The following MLIP variants were observed in gnomAD, a reference collection of about 807,000 sequenced individuals.
The protein encoded by MLIP is muscular LMNA-interacting protein.
Under a neutral mutation model 84.8 loss-of-function variants are expected in MLIP, and 79 were observed. The observed-to-expected ratio is 0.93, with a 90% CI of 0.78 to 1.12. MLIP has a LOEUF of 1.12. Among genes scored for constraint, MLIP ranks in the 50% most tolerant of loss-of-function variants. The probability of loss-of-function intolerance (pLI) is 0.00; values close to 1 mark genes in which losing one functional copy is unlikely to be tolerated. For missense variants in MLIP, 1,257 were observed against 1,160.6 expected (o/e 1.08, Z -1.21); for synonymous variants, 504 against 463.0 (o/e 1.09, Z -1.14).
At chr6:54,187,965 C>G (rs900431368) in intron 9 of MLIP, among the ~76,000 whole-genome samples, 4 of 152,152 alleles carry the variant, frequency 2.6e-5, no homozygotes, top group African/African-American at 9.7e-5. Flanking sequence ...CGAGATTGCA[C>G]CACTGCAATC....
At chr6:54,183,191 G>A (rs935071870) in intron 9 of MLIP, among the ~76,000 whole-genome samples, 1 of 152,148 alleles carries the variant, frequency 6.6e-6, no homozygotes, top group Non-Finnish European at 1.5e-5. Context: ...GTGTTTCAGA[G>A]GTGATGTGCA....
At chr6:54,022,698 A>G (rs983235498) in intron 1 of MLIP, among the ~76,000 whole-genome samples, 1 of 152,168 alleles carries the variant, frequency 6.6e-6, no homozygotes, top group East Asian at 1.9e-4. Flanking sequence ...ATCATTTATT[A>G]CTATAGTAAA....
chr6:54,102,305 A>G lies in MLIP; in HGVS notation c.64-19142A>G, dbSNP rs9357789. ...AATATCAAGAGCAGTATCACATAAA[A>G]CTCATTAAATGGTATGTATGTGTAG... On this transcript the variant is annotated intron_variant, in intron 1 of 12. Transcript: ENST00000274897. Among the ~76,000 whole-genome samples, 90 of 152,032 alleles carry G rather than the reference A, an allele frequency of 5.9e-4. No homozygotes were observed. The East Asian group carries it at 7.7e-3, about 13-fold the overall frequency.
rs1168373599 is a variant in MLIP, at chr6:54,138,114, A to G, written c.2045A>G (p.His682Arg). ...PQLSPSALHP[H>R]CGSGTLPSRL... ...CTCAGTCCCTCAGCTCTGCACCCAC[A>G]TTGCGGCAGTGGTACCTTGCCTTCA... Residue 682 changes from histidine to arginine, a missense_variant, in exon 4 of 14, where the codon CAT (histidine) becomes CGT (arginine). Coordinates refer to ENST00000502396, the MANE Select transcript of MLIP (RefSeq NM_001281747.2). The G allele has an allele frequency of 6.5e-7, 1 of 1,535,928 alleles. No homozygotes were observed. The highest frequency in any genetic ancestry group is 2.0e-5 in the Admixed American group (1 of 50,970).
chr6:54,216,843 A>G (rs923142286), intron 11 of MLIP: 23 of 985,248 alleles, frequency 2.3e-5, no homozygotes, highest in South Asian at 4.7e-5. Context: ...GATAATCACA[A>G]TCTCTTATTT....
intron 12 of MLIP, among the ~76,000 whole-genome samples, chr6:54,244,758 A>G (rs2150847431): frequency 6.6e-6 from 1 of 152,326 alleles, no homozygotes; most frequent in African/African-American, 2.4e-5. Flanking sequence ...GGAAACTGAG[A>G]ACAATCAATT....
intron 1 of MLIP, chr6:54,029,276 G>A (rs968935844): frequency 2.6e-5 from 4 of 152,224 alleles, no homozygotes; most frequent in African/African-American, 9.7e-5. Flanking sequence ...ATAGTATGAA[G>A]AGGTGGGGCT....
chr6:54,177,218 T>G (rs2150621143), intron 9 of MLIP, among the ~76,000 whole-genome samples: 1 of 151,968 alleles, frequency 6.6e-6, no homozygotes, highest in Admixed American at 6.6e-5. Context: ...ATTAACGAGC[T>G]TTTGCACAGC....
chr6:54,262,825 G>C (rs1339887930), intron 13 of MLIP, among the ~76,000 whole-genome samples: 1 of 152,050 alleles, frequency 6.6e-6, no homozygotes, highest in Admixed American at 6.6e-5. Context: ...CTCCCCTTAT[G>C]CTCAGCAGCA....
At chr6:54,183,992 T>G (rs567922940) in intron 9 of MLIP, among the ~76,000 whole-genome samples, 1 of 151,958 alleles carries the variant, frequency 6.6e-6, no homozygotes, top group Non-Finnish European at 1.5e-5. Context: ...AAGAACACTC[T>G]CCAGGTTAAG....
intron 12 of MLIP, among the ~76,000 whole-genome samples, chr6:54,235,285 A>T (rs1325622265): frequency 2.0e-5 from 3 of 152,030 alleles, no homozygotes; most frequent in African/African-American, 7.3e-5. Context: ...GAAATTCCTT[A>T]CTGTTCTACT....
intron 13 of MLIP, among the ~76,000 whole-genome samples, chr6:54,261,180 T>A (rs984350141): frequency 9.9e-5 from 15 of 152,050 alleles, no homozygotes; most frequent in African/African-American, 3.1e-4. Context: ...TTTTTTATTG[T>A]ATTTCTCATC....
At chr6:54,236,319 AGC>A (rs1190834142) in intron 12 of MLIP, among the ~76,000 whole-genome samples, 1 of 152,194 alleles carries the variant, frequency 6.6e-6, no homozygotes, top group Non-Finnish European at 1.5e-5. Flanking sequence ...CCTTTTTAAA[AGC>A]CAGGTGCGGT....
chr6:54,263,266 T>C (rs954971188), intron 13 of MLIP, among the ~76,000 whole-genome samples: 1 of 152,076 alleles, frequency 6.6e-6, no homozygotes, highest in Admixed American at 6.6e-5. Flanking sequence ...TTTTACTCTT[T>C]AGAGTCCATT....
intron 1 of MLIP, among the ~76,000 whole-genome samples, chr6:54,077,164 A>G (rs1307016952): frequency 2.6e-5 from 4 of 152,216 alleles, no homozygotes; most frequent in Non-Finnish European, 4.4e-5. Flanking sequence ...CTGCCATACT[A>G]TCTTAAAAAT....
At chr6:54,031,446 T>G (rs1326080653) in intron 1 of MLIP, 1 of 152,224 alleles carries the variant, frequency 6.6e-6, no homozygotes, top group Non-Finnish European at 1.5e-5. Context: ...TGGCACCTTG[T>G]AAGCCTGATA....
chr6:54,031,442 C>G (rs1435308991), intron 1 of MLIP: 1 of 152,152 alleles, frequency 6.6e-6, no homozygotes, highest in East Asian at 1.9e-4. Context: ...TTCTTGGCAC[C>G]TTGTAAGCCT....
chr6:54,148,401 C>T (rs1345822629), intron 4 of MLIP, among the ~76,000 whole-genome samples: 1 of 152,136 alleles, frequency 6.6e-6, no homozygotes, highest in African/African-American at 2.4e-5. Context: ...GAAATTTTAA[C>T]ATTTGCTTCA....
chr6:54,198,150 T>C (rs924635366), intron 10 of MLIP, among the ~76,000 whole-genome samples: 1 of 152,148 alleles, frequency 6.6e-6, no homozygotes, highest in Non-Finnish European at 1.5e-5. Flanking sequence ...CAACTTTTAA[T>C]GTGTACATGA....
Sources: allele counts gnomAD v4.1 joint callset (sites outside exome capture counted in the v4.1 genomes callset), GRCh38; gene constraint gnomAD v4.1.1; transcripts MANE v1.5; gene names NCBI Gene and HGNC (gene_info 2026-07-23, HGNC 2026-07-21).